Variants in PCDH7 observed in about 807,000 individuals in gnomAD.
PCDH7 encodes protocadherin-7.
In PCDH7, 17 loss-of-function variants were observed where a neutral mutation model predicts 58.9. That is an observed-to-expected ratio of 0.29 (90% confidence interval 0.20 to 0.43). PCDH7 has a LOEUF of 0.43. Among genes scored for constraint, PCDH7 ranks in the 20% least tolerant of loss-of-function variants. The probability of loss-of-function intolerance (pLI) is 1.00; values close to 1 mark genes in which losing one functional copy is unlikely to be tolerated. For missense variants in PCDH7, 1,274 were observed against 1,441.0 expected, an observed-to-expected ratio of 0.88 and a Z score of 1.88; for synonymous variants, 664 against 616.4, an observed-to-expected ratio of 1.08 and a Z score of -1.14.
chr4:30,847,052 G>C (rs1294598869), intron 1 of PCDH7, among the ~76,000 whole-genome samples: 1 of 152,092 alleles, frequency 6.6e-6, no homozygotes, highest in East Asian at 1.9e-4. Flanking sequence ...GAGCCCAGGA[G>C]GTCAAGGATG....
chr4:30,825,953 A>G (rs1729048168), intron 1 of PCDH7, among the ~76,000 whole-genome samples: 1 of 152,146 alleles, frequency 6.6e-6, no homozygotes, highest in Non-Finnish European at 1.5e-5. Context: ...TCTGGCTTGT[A>G]GATGGATATA....
chr4:30,853,020 C>T (rs999215624), intron 1 of PCDH7, among the ~76,000 whole-genome samples: 3 of 151,924 alleles, frequency 2.0e-5, no homozygotes, highest in Admixed American at 6.6e-5. Context: ...AAGGGCTTTA[C>T]GGTAGATCCA....
chr4:31,067,581 A>T (rs527309196), intron 3 of PCDH7, among the ~76,000 whole-genome samples: 2 of 152,070 alleles, frequency 1.3e-5, no homozygotes, highest in African/African-American at 4.8e-5. Flanking sequence ...GGAGAAATAG[A>T]GAAAGAGCAG....
intron 3 of PCDH7, among the ~76,000 whole-genome samples, chr4:30,967,028 G>A (rs1749056819): frequency 6.6e-6 from 1 of 151,962 alleles, no homozygotes; most frequent in Admixed American, 6.6e-5. Context: ...TTTTAAATTT[G>A]TTTTCTTTCT....
intron 3 of PCDH7, among the ~76,000 whole-genome samples, chr4:31,093,970 A>G (rs1713607756): frequency 1.3e-5 from 2 of 152,066 alleles, no homozygotes; most frequent in African/African-American, 4.8e-5. Flanking sequence ...CATTTTACTC[A>G]ACTTTATGGT....
intron 3 of PCDH7, among the ~76,000 whole-genome samples, chr4:31,111,870 G>T (rs1041969461): frequency 6.6e-6 from 1 of 152,166 alleles, no homozygotes; most frequent in Non-Finnish European, 1.5e-5. Flanking sequence ...CATAGTCTCT[G>T]AAGATAGACA....
rs548659684 is a variant in PCDH7, at chr4:30,955,306, G to C, written c.*7+5091G>C. 2.4e-3 allele frequency among the ~76,000 whole-genome samples: 372 copies of C among 151,870 alleles called. 2 individuals carry two copies. Among genetic ancestry groups the C allele is most frequent in the Admixed American group, 6.4e-3 (98 of 15,260 alleles). On this transcript the variant is annotated intron_variant, in intron 3 of 3. Transcript: ENST00000509759. The stretch of plus-strand genomic sequence containing the variant: ...TCTTTGTGCTTCTTAGCAGCAGATT[G>C]AAAGCCAATTGGATAACATGGGGAA...
chr4:30,868,290 G>A (rs886672760), intron 1 of PCDH7, among the ~76,000 whole-genome samples: 2 of 151,992 alleles, frequency 1.3e-5, no homozygotes, highest in African/African-American at 4.8e-5. Context: ...ATGAAGAAAT[G>A]GTGATTTAGG....
intron 3 of PCDH7, among the ~76,000 whole-genome samples, chr4:31,040,127 A>G (rs12641003): frequency 0.27 from 40,341 of 152,170 alleles, 6,126 homozygotes; most frequent in South Asian, 0.48. Context: ...AATGCACAGT[A>G]TGTTTTTCGA....
chr4:30,913,051 C>T (rs559189783), intron 1 of PCDH7, among the ~76,000 whole-genome samples: 1 of 150,930 alleles, frequency 6.6e-6, no homozygotes, highest in South Asian at 2.1e-4. Context: ...CTTCTGGTCT[C>T]TATTGCTTTT....
chr4:31,007,625 A>T (rs61792940), intron 3 of PCDH7, among the ~76,000 whole-genome samples: 24,544 of 151,246 alleles, frequency 0.16, 2,654 homozygotes, highest in Middle Eastern at 0.27. Flanking sequence ...TCTCTAAGGC[A>T]ATTGTCTAAA....
chr4:30,850,126 C>G (rs556276273), intron 1 of PCDH7, among the ~76,000 whole-genome samples: 1 of 152,002 alleles, frequency 6.6e-6, no homozygotes, highest in Non-Finnish European at 1.5e-5. Context: ...CTTATATATT[C>G]GTATTTTATT....
intron 3 of PCDH7, among the ~76,000 whole-genome samples, chr4:31,021,366 C>T (rs1465829774): frequency 6.6e-6 from 1 of 152,150 alleles, no homozygotes; most frequent in Non-Finnish European, 1.5e-5. Flanking sequence ...TTCAGACCTT[C>T]TATGGAGGAA....
chr4:30,750,500 G>T (rs1718366220), intron 1 of PCDH7, among the ~76,000 whole-genome samples: 1 of 152,016 alleles, frequency 6.6e-6, no homozygotes, highest in African/African-American at 2.4e-5. Context: ...ATTCAACTCT[G>T]TGAATCTGTG....
rs534213488 is a variant in PCDH7 at position 31,083,260 on chromosome 4, A to T, written c.*8-59213A>T. ...GTACCCCAAAAGCTATTGAAATAAA[A>T]TTTTTTTAAAGAAAAAAATTGATTT... On this transcript the variant is annotated intron_variant, in intron 3 of 3. Transcript: ENST00000509759. 4.6e-5 allele frequency among the ~76,000 whole-genome samples: 7 copies of T among 152,286 alleles called. No individual in the cohort carries two copies. In the South Asian group the frequency reaches 1.0e-3, roughly 23 times the overall value.
chr4:30,807,107 A>G (rs1726317185), intron 1 of PCDH7, among the ~76,000 whole-genome samples: 1 of 152,192 alleles, frequency 6.6e-6, no homozygotes, highest in African/African-American at 2.4e-5. Context: ...CTCATGAAGA[A>G]CTACATGTTT....
At chr4:31,057,722 A>T (rs1399599774) in intron 3 of PCDH7, among the ~76,000 whole-genome samples, 2 of 152,120 alleles carry the variant, frequency 1.3e-5, no homozygotes, top group Admixed American at 1.3e-4. Context: ...ATTACTATAC[A>T]TCTCCATCAC....
At chr4:30,976,023 C>T (rs1224265476) in intron 3 of PCDH7, among the ~76,000 whole-genome samples, 1 of 152,170 alleles carries the variant, frequency 6.6e-6, no homozygotes, top group Non-Finnish European at 1.5e-5. Context: ...CATCACTTCA[C>T]AATTAGGATT....
At chr4:30,834,108 A>G (rs1730158867) in intron 1 of PCDH7, among the ~76,000 whole-genome samples, 2 of 152,298 alleles carry the variant, frequency 1.3e-5, no homozygotes, top group South Asian at 4.1e-4. Flanking sequence ...GCTAAAACAT[A>G]TAACACCATG....
Sources: allele counts gnomAD v4.1 joint callset (sites outside exome capture counted in the v4.1 genomes callset), GRCh38; gene constraint gnomAD v4.1.1; transcripts MANE v1.5; gene names NCBI Gene and HGNC (gene_info 2026-07-23, HGNC 2026-07-21).